The following TEX14 variants were observed in gnomAD, a reference collection of about 807,000 sequenced individuals.
TEX14 encodes inactive serine/threonine-protein kinase TEX14.
A neutral mutation model predicts 178.6 loss-of-function variants in TEX14; 168 were observed. That is an observed-to-expected ratio of 0.94 (90% CI 0.83 to 1.07). The LOEUF (loss-of-function observed/expected upper bound fraction) is 1.07. Ranked by LOEUF, TEX14 falls within the 50% of genes least tolerant of loss-of-function variation. TEX14 has a pLI of 0.00. For missense variants in TEX14, 1,730 were observed against 1,753.6 expected (o/e 0.99, Z 0.24); for synonymous variants, 626 against 634.1 (o/e 0.99, Z 0.19).
At chr17:58,663,489 CAG>C (rs2047155522) in intron 1 of TEX14, among the ~76,000 whole-genome samples, 2 of 144,866 alleles carry the variant, frequency 1.4e-5, no homozygotes, top group Admixed American at 6.9e-5. Context: ...TTTTTTAAGA[CAG>C]AGTCTCACTC....
chr17:58,622,201 C>G (rs1015502817), intron 4 of TEX14, among the ~76,000 whole-genome samples: 2 of 152,206 alleles, frequency 1.3e-5, no homozygotes, highest in East Asian at 3.8e-4. Flanking sequence ...AATTCCAGCA[C>G]TTTGGGAGGC....
chr17:58,666,458 C>CAAACAAAA (rs1555583923), intron 1 of TEX14: 12 of 36,814 alleles, frequency 3.3e-4, no homozygotes, highest in Admixed American at 1.0e-3. Flanking sequence ...CCTTCCACGG[C>CAAACAAAA]AAAAAAAAAA....
chr17:58,666,075 G>T (rs2047198398), intron 1 of TEX14, among the ~76,000 whole-genome samples: 1 of 151,104 alleles, frequency 6.6e-6, no homozygotes, highest in African/African-American at 2.4e-5. Flanking sequence ...TGGGTGCCAT[G>T]GCTCACGCCT....
At chr17:58,620,682 C>CG (rs975454070) in intron 5 of TEX14, among the ~76,000 whole-genome samples, 6 of 151,880 alleles carry the variant, frequency 4.0e-5, no homozygotes, top group African/African-American at 7.3e-5. Flanking sequence ...TTAGTAGAGA[C>CG]GGGGGTTTCA....
rs2044467256 is a variant in TEX14 at position 58,569,195 on chromosome 17, T to A, written c.3883A>T (p.Ile1295Phe). ...TTCTGTATTGAACATCTCTTACCAA[T>A]GTCATCAAGTAGCTCCTGAGATGGT... ...PPPSQELLDD[I>F]ELLKQQQGSS... The change falls in exon 26 of 32, where the codon ATT becomes TTT. Residue 1295 changes from isoleucine (I) to phenylalanine (F), a missense_variant. Coordinates refer to ENST00000349033, the MANE Select transcript of TEX14 (RefSeq NM_031272.5). The surrounding 1 kb of genome is among the most constrained non-coding windows in gnomAD (Gnocchi z 4.1). 7 of 1,613,132 alleles carry A rather than the reference T, an allele frequency of 4.3e-6. No homozygotes were observed. The East Asian group carries it at 1.6e-4, about 36-fold the overall frequency.
intron 1 of TEX14, among the ~76,000 whole-genome samples, chr17:58,658,770 TACTTA>T (rs2047022237): frequency 6.6e-6 from 1 of 152,016 alleles, no homozygotes; most frequent in Non-Finnish European, 1.5e-5. Context: ...AGGGATGAGG[TACTTA>T]ACTTCCCACC....
At chr17:58,587,259 T>C (rs982154336) in intron 17 of TEX14, among the ~76,000 whole-genome samples, 6 of 152,226 alleles carry the variant, frequency 3.9e-5, no homozygotes, top group African/African-American at 1.4e-4. Context: ...CTTAAAGTCA[T>C]TGTCATTTCC....
At chr17:58,598,708 C>T (rs940394804) in intron 14 of TEX14, among the ~76,000 whole-genome samples, 168 bp downstream of exon 14, 1 of 152,142 alleles carries the variant, frequency 6.6e-6, no homozygotes, top group Non-Finnish European at 1.5e-5. Context: ...TCAAACCCAG[C>T]CCTGGGGTCC....
intron 30 of TEX14, among the ~76,000 whole-genome samples, chr17:58,558,897 CAGT>C (rs2044212621): frequency 6.6e-6 from 1 of 152,124 alleles, no homozygotes; most frequent in African/African-American, 2.4e-5. Flanking sequence ...CGGCCGGGTA[CAGT>C]GGCTCACACC....
Position 58,599,683 on chromosome 17 carries a change from C to T in TEX14, c.1679-17G>A. The T allele has an allele frequency of 5.6e-6, 9 of 1,593,274 alleles. No individual in the cohort carries two copies. The highest frequency in any genetic ancestry group is 7.7e-6 in the Non-Finnish European group (9 of 1,169,838). ...GTTGACTGCCTATTGAAAAAAACAG[C>T]AAAATGCAACTCATTAAAATGAACA... On this transcript the variant is annotated splice_polypyrimidine_tract_variant and intron_variant, in intron 13 of 31. Coordinates refer to ENST00000349033, the MANE Select transcript of TEX14 (RefSeq NM_031272.5).
chr17:58,689,435 G>A (rs965233999), intron 1 of TEX14, among the ~76,000 whole-genome samples: 9 of 151,494 alleles, frequency 5.9e-5, no homozygotes, highest in African/African-American at 9.7e-5. Flanking sequence ...TGGCCAGGAT[G>A]GTCTTGATCT....
At chr17:58,581,018 T>C (rs1163635555) in intron 19 of TEX14, among the ~76,000 whole-genome samples, 1 of 152,052 alleles carries the variant, frequency 6.6e-6, no homozygotes, top group Non-Finnish European at 1.5e-5. Flanking sequence ...GTAGCATGAA[T>C]AAAAACATTT....
intron 19 of TEX14, among the ~76,000 whole-genome samples, chr17:58,584,083 T>C (rs975462504): frequency 6.6e-6 from 1 of 152,216 alleles, no homozygotes; most frequent in Non-Finnish European, 1.5e-5. Context: ...TCACTTCCAC[T>C]GAGCTGGGTG....
chr17:58,599,859 A>G (rs2045386913), intron 13 of TEX14, among the ~76,000 whole-genome samples, 193 bp from the exon 14 acceptor site: 1 of 152,212 alleles, frequency 6.6e-6, no homozygotes, highest in Admixed American at 6.5e-5. Context: ...CCCTAGGGGA[A>G]AGCTCCTATT....
chr17:58,649,072 C>T (rs957826934), intron 2 of TEX14, among the ~76,000 whole-genome samples: 5 of 141,584 alleles, frequency 3.5e-5, no homozygotes, highest in Non-Finnish European at 7.6e-5. Flanking sequence ...CCACCACGCC[C>T]GGCCTCTTTT....
At chr17:58,574,675 CAAAAAAAA>C (rs1177255314) in intron 21 of TEX14, among the ~76,000 whole-genome samples, 1 of 43,886 alleles carries the variant, frequency 2.3e-5, no homozygotes, top group Non-Finnish European at 4.0e-5. Flanking sequence ...ACTCCATCTC[CAAAAAAAA>C]AAAAAAAAAA....
intron 1 of TEX14, among the ~76,000 whole-genome samples, chr17:58,658,855 T>C (rs2047024979): frequency 6.6e-6 from 1 of 151,642 alleles, no homozygotes; most frequent in Non-Finnish European, 1.5e-5. Context: ...CAGACAGGAG[T>C]GCAGTGGCAC....
chr17:58,686,948 A>ACAGCAACC (rs1362823130), intron 1 of TEX14, among the ~76,000 whole-genome samples: 1 of 136,242 alleles, frequency 7.3e-6, no homozygotes, highest in East Asian at 2.2e-4. Context: ...ATCTCAGCTC[A>ACAGCAACC]CAGCAACCTC....
Position 58,579,740 on chromosome 17 carries a change from G to T in TEX14, c.3172-9C>A, listed in dbSNP as rs776282733. 1 of 1,610,904 alleles carries T rather than the reference G, an allele frequency of 6.2e-7. No individual in the cohort carries two copies. Among genetic ancestry groups the T allele is most frequent in the Admixed American group, 1.7e-5 (1 of 59,836 alleles). On this transcript the variant is annotated splice_polypyrimidine_tract_variant and intron_variant, in intron 19 of 31. Transcript: ENST00000349033. Reference sequence around the variant, plus strand: ...TCTATGGGACTCGAGGTCTAAAAAAGAACAAAAGAAAAGCAAAGAAAGGAG... The same window carrying T: ...TCTATGGGACTCGAGGTCTAAAAAATAACAAAAGAAAAGCAAAGAAAGGAG...
Sources: allele counts gnomAD v4.1 joint callset (sites outside exome capture counted in the v4.1 genomes callset), GRCh38; gene constraint gnomAD v4.1.1; non-coding constraint Gnocchi (gnomAD v3.1); transcripts MANE v1.5; gene names NCBI Gene and HGNC (gene_info 2026-07-23, HGNC 2026-07-21).